Variants in SRP54 observed in about 807,000 individuals in gnomAD.
SRP54 encodes the protein signal recognition particle 54.
A neutral mutation model predicts 64.8 loss-of-function variants in SRP54; 10 were observed. The ratio of observed to expected loss-of-function variants is 0.15; its 90% CI spans 0.10 to 0.26. The LOEUF (loss-of-function observed/expected upper bound fraction) is 0.26. SRP54 is among the 10% of genes least tolerant of loss of function. The pLI, the probability that SRP54 is intolerant of heterozygous loss-of-function variation, is 1.00. For synonymous variants in SRP54, 193 were observed against 185.6 expected (o/e 1.04, Z -0.32); for missense variants, 325 against 613.7 (o/e 0.53, Z 4.97).
Position 35,007,295 on chromosome 14 carries a change from G to A in SRP54, c.268G>A (p.Gly90Arg). 6.3e-7 allele frequency: 1 copy of A among 1,583,988 alleles called. No homozygotes were observed. Among genetic ancestry groups the A allele is most frequent in the African/African-American group, 1.3e-5 (1 of 74,478 alleles). The change falls in exon 5 of 16, where the codon GGA becomes AGA. Residue 90 changes from glycine to arginine, a missense_variant. Physicochemically the swap from Gly to Arg is moderately radical, Grantham distance 125. Transcript: ENST00000216774. ...FKELVKLVDPGVKAWTPTKGK... is the reference protein window; with the variant it reads ...FKELVKLVDPRVKAWTPTKGK... ...TTTTGGTATTTAGCTTGTAGACCCTGGAGTTAAGGCATGGACACCCACTAA... is the reference window on the plus strand; with the variant it reads ...TTTTGGTATTTAGCTTGTAGACCCTAGAGTTAAGGCATGGACACCCACTAA...
chr14:35,005,495 C>T (rs1266194174), intron 4 of SRP54, among the ~76,000 whole-genome samples: 1 of 152,134 alleles, frequency 6.6e-6, no homozygotes, highest in Non-Finnish European at 1.5e-5. Flanking sequence ...CTCCTGGGCT[C>T]AAGCAATCTT....
intron 11 of SRP54, among the ~76,000 whole-genome samples, 162 bp downstream of exon 11, chr14:35,014,992 A>C (rs1297049217): frequency 6.6e-6 from 1 of 152,226 alleles, no homozygotes; most frequent in Non-Finnish European, 1.5e-5. Flanking sequence ...AATCTCAGGT[A>C]CCTGAGCAGT....
rs907924705 is a variant in SRP54 at position 35,022,835 on chromosome 14, A to G, written c.1157-75A>G. On this transcript the variant is annotated intron_variant, in intron 13 of 15. Coordinates refer to ENST00000216774, the MANE Select transcript of SRP54 (RefSeq NM_003136.4). ...CATCTGCTAAGCTCTTTGAAGTTAT[A>G]TATTGCCCATTTGCACATAACTGCT... 117 of 1,229,482 alleles carry G rather than the reference A, an allele frequency of 9.5e-5. No homozygotes were observed. The Middle Eastern group carries it at 1.6e-3, about 17-fold the overall frequency. 76.2% of individuals were successfully genotyped at this position (1,229,482 alleles called of 1,614,324 possible). A position where few individuals can be genotyped will look rare whatever the true frequency, so the allele number is the denominator to read the frequency against.
intron 1 of SRP54, among the ~76,000 whole-genome samples, chr14:34,987,829 C>A (rs1000385601): frequency 6.6e-6 from 1 of 152,096 alleles, no homozygotes; most frequent in Non-Finnish European, 1.5e-5. Flanking sequence ...TGTTTTTAGA[C>A]TGTGTTTAAC....
Position 35,013,919 on chromosome 14 carries a change from G to A in SRP54, c.886+17G>A. On this transcript the variant is annotated intron_variant, in intron 10 of 15. Coordinates refer to ENST00000216774, the MANE Select transcript of SRP54 (RefSeq NM_003136.4). ...AACTTCTTGGTATGTACAGTGGTGG[G>A]GATATAGAAAAATCTCCAAGAAATA... 2 of 1,533,778 alleles carry A rather than the reference G, an allele frequency of 1.3e-6. No individual in the cohort carries two copies. The highest frequency in any genetic ancestry group is 1.8e-6 in the Non-Finnish European group (2 of 1,118,086).
In SRP54 at chr14:34,996,670, G is replaced by A. The variant is rs778735302; in HGVS notation, c.-33-7G>A. 7.2e-7 allele frequency: 1 copy of A among 1,387,122 alleles called. No individual in the cohort carries two copies. The allele number at this position is 1,387,122 out of a possible 1,614,324, so 85.9% of individuals were successfully genotyped here. On this transcript the variant is annotated splice_polypyrimidine_tract_variant and splice_region_variant and intron_variant, in intron 1 of 15. Transcript: ENST00000216774. ...ATTATTCTCACTTAATTTTTTTTCTGCTGTAGAGTTCTTCGTAAGTACATC... is the reference window on the plus strand; with the variant it reads ...ATTATTCTCACTTAATTTTTTTTCTACTGTAGAGTTCTTCGTAAGTACATC...
intron 1 of SRP54, among the ~76,000 whole-genome samples, chr14:34,985,232 TAATGA>T (rs1164840022): frequency 6.6e-6 from 1 of 152,168 alleles, no homozygotes; most frequent in Non-Finnish European, 1.5e-5. Flanking sequence ...GTTGGAGGGA[TAATGA>T]AATGAACATC....
chr14:35,011,588 G>A lies in SRP54; in HGVS notation c.565G>A (p.Val189Ile), dbSNP rs2044358970. ...FKNENFEIIIVDTSGRHKQED... is the reference protein window; with the variant it reads ...FKNENFEIIIIDTSGRHKQED... ...AAATGAAAATTTTGAAATTATTATT[G>A]TTGATACAAGTGGCCGCCACAAACA... Residue 189 changes from valine to isoleucine, a missense_variant, in exon 8 of 16, where the codon GTT (valine) becomes ATT (isoleucine). Physicochemically the swap from Val to Ile is conservative, Grantham distance 29. Transcript: ENST00000216774. 1 of 1,592,776 alleles carries A rather than the reference G, an allele frequency of 6.3e-7. No homozygotes were observed. Among genetic ancestry groups the A allele is most frequent in the East Asian group, 2.2e-5 (1 of 44,616 alleles).
At chr14:34,996,596 T>C (rs1450095386) in intron 1 of SRP54, 81 bp from the exon 2 acceptor site, 2 of 760,110 alleles carry the variant, frequency 2.6e-6, no homozygotes, top group African/African-American at 3.4e-5. Flanking sequence ...CTAGAGTAAT[T>C]TGAACTTAAA....
intron 1 of SRP54, among the ~76,000 whole-genome samples, chr14:34,988,592 TATAAC>T (rs1266584324): frequency 2.8e-4 from 35 of 125,462 alleles, no homozygotes; most frequent in African/African-American, 8.9e-4. Flanking sequence ...TATATATATA[TATAAC>T]ATATATATAT....
At chr14:34,991,192 C>T (rs1252553507) in intron 1 of SRP54, among the ~76,000 whole-genome samples, 1 of 147,448 alleles carries the variant, frequency 6.8e-6, no homozygotes, top group African/African-American at 2.5e-5. Flanking sequence ...TGCAGTGGCA[C>T]GATCTGGGCT....
At chr14:34,996,577 A>C in intron 1 of SRP54, 100 bp from the exon 2 acceptor site, 1 of 676,994 alleles carries the variant, frequency 1.5e-6, no homozygotes, top group Non-Finnish European at 2.7e-6. Flanking sequence ...ATCTTACAGT[A>C]TCTAAACACT....
intron 14 of SRP54, among the ~76,000 whole-genome samples, chr14:35,026,268 T>G (rs1595018151): frequency 6.7e-6 from 1 of 149,790 alleles, no homozygotes; most frequent in East Asian, 2.0e-4. Context: ...TCACCCAGGC[T>G]GGGGGCTGAA....
chr14:35,011,397 A>T (rs1161379716), intron 7 of SRP54, 112 bp from the exon 8 acceptor site: 35 of 712,188 alleles, frequency 4.9e-5, no homozygotes, highest in Non-Finnish European at 4.5e-5. Context: ...TCTAAATTGA[A>T]ATTGGGGTCA....
At chr14:34,987,275 GTATA>G (rs369480971) in intron 1 of SRP54, among the ~76,000 whole-genome samples, 1 of 131,498 alleles carries the variant, frequency 7.6e-6, no homozygotes, top group South Asian at 2.4e-4. Context: ...GTGTGTGTGT[GTATA>G]TATATATACA....
chr14:34,987,588 A>G (rs2043919617), intron 1 of SRP54, among the ~76,000 whole-genome samples: 1 of 152,006 alleles, frequency 6.6e-6, no homozygotes, highest in Non-Finnish European at 1.5e-5. Flanking sequence ...AGATTAATCC[A>G]TGTTGTGGCA....
At chr14:35,010,375 G>C (rs954866196) in intron 7 of SRP54, among the ~76,000 whole-genome samples, 6 of 152,116 alleles carry the variant, frequency 3.9e-5, no homozygotes, top group Middle Eastern at 3.2e-3. Context: ...GAACCCGGGA[G>C]GCAGAGGTTG....
chr14:34,988,559 T>C (rs1594975891), intron 1 of SRP54, among the ~76,000 whole-genome samples: 1 of 17,822 alleles, frequency 5.6e-5, no homozygotes, highest in South Asian at 3.1e-3. Flanking sequence ...AGACTCCATC[T>C]CAAAAAAAAA....
chr14:34,983,804 G>A (rs1294724016), intron 1 of SRP54, among the ~76,000 whole-genome samples: 1 of 152,158 alleles, frequency 6.6e-6, no homozygotes, highest in Non-Finnish European at 1.5e-5. Context: ...ATACAGAAAT[G>A]AATAACACTA....
Sources: allele counts gnomAD v4.1 joint callset (sites outside exome capture counted in the v4.1 genomes callset), GRCh38; gene constraint gnomAD v4.1.1; transcripts MANE v1.5; gene names NCBI Gene and HGNC (gene_info 2026-07-23, HGNC 2026-07-21).